The following RNF38 variants were observed in gnomAD, a reference collection of about 807,000 sequenced individuals.
The protein encoded by RNF38 is E3 ubiquitin-protein ligase RNF38.
In RNF38, 15 loss-of-function variants were observed where a neutral mutation model predicts 67.2. The observed-to-expected ratio is 0.22, with a 90% CI of 0.15 to 0.34. RNF38 has a LOEUF of 0.34. Ranked by LOEUF, RNF38 falls within the 10% of genes least tolerant of loss-of-function variation. RNF38 has a pLI of 1.00. For synonymous variants in RNF38, 220 were observed against 218.8 expected, an observed-to-expected ratio of 1.01 and a Z score of -0.05; for missense variants, 524 against 639.9, an observed-to-expected ratio of 0.82 and a Z score of 1.95.
At chr9:36,476,005 T>C (rs1840111862) in intron 1 of RNF38, among the ~76,000 whole-genome samples, 1 of 89,306 alleles carries the variant, frequency 1.1e-5, no homozygotes, top group Non-Finnish European at 2.6e-5. Flanking sequence ...CGGGACTCTG[T>C]TTCCAAAAAA....
chr9:36,421,091 A>G (rs1241409285), intron 2 of RNF38, among the ~76,000 whole-genome samples: 4 of 152,206 alleles, frequency 2.6e-5, no homozygotes, highest in Non-Finnish European at 5.9e-5. Context: ...CCCCAGTCAC[A>G]CATGGATTAG....
intron 2 of RNF38, among the ~76,000 whole-genome samples, chr9:36,414,713 G>A (rs1838416438): frequency 6.7e-6 from 1 of 149,166 alleles, no homozygotes; most frequent in Non-Finnish European, 1.5e-5. Flanking sequence ...AAAAGATTTA[G>A]AACTCCTTTT....
At chr9:36,429,865 T>C (rs1838884953) in intron 1 of RNF38, among the ~76,000 whole-genome samples, 1 of 152,188 alleles carries the variant, frequency 6.6e-6, no homozygotes, top group Non-Finnish European at 1.5e-5. Context: ...TTTTTAACTG[T>C]AGTATTGTTG....
At chr9:36,385,478 A>G (rs1019386820) in intron 2 of RNF38, among the ~76,000 whole-genome samples, 5 of 151,428 alleles carry the variant, frequency 3.3e-5, no homozygotes, top group African/African-American at 1.2e-4. Flanking sequence ...TCCCGGATTC[A>G]AGTGATTCTC....
At position 36,339,587 on chromosome 9, in the gene RNF38, T is replaced by C; in HGVS notation, c.*165A>G. 1 of 587,136 alleles carries C rather than the reference T, an allele frequency of 1.7e-6. No homozygotes were observed. Among genetic ancestry groups the C allele is most frequent in the South Asian group, 2.3e-5 (1 of 44,248 alleles). 36.4% of individuals were successfully genotyped at this position (587,136 alleles called of 1,614,324 possible). A position where few individuals can be genotyped will look rare whatever the true frequency, so the allele number is the denominator to read the frequency against. On this transcript the variant is annotated 3_prime_UTR_variant, in exon 12 of 12. Transcript: ENST00000259605. ...ATAACAATCCCATAACTGTGAAGAC[T>C]AATTGTAAGCTTTTATAGTTGATTA...
chr9:36,369,842 G>A lies in RNF38; in HGVS notation c.447C>T (p.Tyr149=), dbSNP rs1018234818. 34 of 1,613,796 alleles carry A rather than the reference G, an allele frequency of 2.1e-5. No individual in the cohort carries two copies. Among genetic ancestry groups the A allele is most frequent in the Admixed American group, 8.3e-5 (5 of 60,002 alleles). Residue 149 remains tyrosine, a synonymous_variant, in exon 4 of 12, where the codon TAC becomes TAT. Transcript: ENST00000259605. ...GCTCCTCTATTGCTTGCTGCTGTGC[G>A]TAAGGGAGATGGTGATAGTTTTCAT... ...SQDENYHHLP[Y]AQQQAIEEPR...
At chr9:36,477,958 C>A (rs1432958174) in intron 1 of RNF38, among the ~76,000 whole-genome samples, 1 of 151,896 alleles carries the variant, frequency 6.6e-6, no homozygotes, top group Non-Finnish European at 1.5e-5. Flanking sequence ...ACCACTGCCA[C>A]TGCACTCCAG....
At chr9:36,418,912 G>A (rs550320507) in intron 2 of RNF38, among the ~76,000 whole-genome samples, 1 of 151,930 alleles carries the variant, frequency 6.6e-6, no homozygotes, top group African/African-American at 2.4e-5. Flanking sequence ...GCAGTGAGCC[G>A]AGATCACACC....
At chr9:36,423,270 C>T (rs1423007106) in intron 2 of RNF38, among the ~76,000 whole-genome samples, 1 of 152,128 alleles carries the variant, frequency 6.6e-6, no homozygotes, top group East Asian at 1.9e-4. Context: ...CTCTGGAATG[C>T]TATAAGCTAC....
chr9:36,487,568 C>A, upstream of RNF38: 2 of 976,786 alleles, frequency 2.0e-6, no homozygotes, highest in Non-Finnish European at 2.4e-6. Flanking sequence ...CATGGCGGGG[C>A]CGCGAGCAGC....
At position 36,390,471 on chromosome 9, in the gene RNF38, A is replaced by G. The variant is rs771514351; in HGVS notation, c.158T>C (p.Phe53Ser). Residue 53 changes from phenylalanine to serine, a missense_variant, in exon 2 of 12, where the codon TTC becomes TCC. Around this residue, in one of 2 missense-constraint regions of RNF38, gnomAD observed 461 missense variants for 517.4 expected, o/e 0.89. Transcript: ENST00000259605. The part of the protein sequence containing the change: ...VQEDAHFKAF[F>S]QSEDSPSPKR... ...AAAGGGTAAATATATAAGAACCTGG[A>G]AGAAAGCTTTGAAGTGAGCATCCTC... 46 of 1,612,094 alleles carry G rather than the reference A, an allele frequency of 2.9e-5. No homozygotes were observed. Among genetic ancestry groups the G allele is most frequent in the Non-Finnish European group, 3.9e-5 (46 of 1,179,324 alleles).
At chr9:36,478,591 G>A (rs1840179171) in intron 1 of RNF38, among the ~76,000 whole-genome samples, 1 of 151,744 alleles carries the variant, frequency 6.6e-6, no homozygotes, top group Non-Finnish European at 1.5e-5. Context: ...GCCGAGGAGG[G>A]TAGATCATCT....
At chr9:36,462,940 G>A (rs1424439164) in intron 1 of RNF38, among the ~76,000 whole-genome samples, 1 of 151,892 alleles carries the variant, frequency 6.6e-6, no homozygotes, top group South Asian at 2.1e-4. Flanking sequence ...CTCCCCTGCT[G>A]GGATTACAGG....
At chr9:36,422,354 T>A (rs138871067) in intron 2 of RNF38, among the ~76,000 whole-genome samples, 1 of 151,716 alleles carries the variant, frequency 6.6e-6, no homozygotes, top group African/African-American at 2.4e-5. Context: ...GAGGCAGAGG[T>A]TGCAGTGAGC....
chr9:36,456,807 T>G (rs371594337), intron 1 of RNF38, among the ~76,000 whole-genome samples: 2 of 152,152 alleles, frequency 1.3e-5, no homozygotes, highest in South Asian at 4.1e-4. Context: ...TTGGGCCATG[T>G]TGATCACTGT....
At chr9:36,471,657 T>C (rs1048639090) in intron 1 of RNF38, among the ~76,000 whole-genome samples, 5 of 152,242 alleles carry the variant, frequency 3.3e-5, no homozygotes, top group Admixed American at 2.6e-4. Context: ...AAACTCACCC[T>C]GTCAATTAGA....
chr9:36,452,818 C>G (rs1839488368), intron 1 of RNF38, among the ~76,000 whole-genome samples: 1 of 152,194 alleles, frequency 6.6e-6, no homozygotes, highest in Non-Finnish European at 1.5e-5. Context: ...CAGGCATGAG[C>G]CACTGCACCC....
chr9:36,372,300 A>ATCCC (rs1330323463), intron 3 of RNF38, among the ~76,000 whole-genome samples: 2 of 152,162 alleles, frequency 1.3e-5, no homozygotes, highest in Non-Finnish European at 2.9e-5. Context: ...TGAGTACAAT[A>ATCCC]TCCCTCATCC....
intron 1 of RNF38, among the ~76,000 whole-genome samples, chr9:36,475,882 G>A (rs1459841699): frequency 6.6e-6 from 1 of 150,968 alleles, no homozygotes; most frequent in African/African-American, 2.4e-5. Flanking sequence ...TAGGCATGGT[G>A]GCTGTAGTCC....
Sources: gnomAD v4.1 joint callset for allele counts (sites outside exome capture counted in the v4.1 genomes callset) on GRCh38, gnomAD v4.1.1 for gene constraint, gnomAD v4.1.1 regional missense constraint, MANE v1.5 for transcripts, NCBI Gene and HGNC (gene_info 2026-07-23, HGNC 2026-07-21) for gene names.